Variants in CLIC5 observed in about 807,000 individuals in gnomAD.
The protein encoded by CLIC5 is chloride intracellular channel protein 5.
A neutral mutation model predicts 24.7 loss-of-function variants in CLIC5; 20 were observed. That is an observed-to-expected ratio of 0.81 (90% CI 0.57 to 1.18). The LOEUF (loss-of-function observed/expected upper bound fraction) is 1.18. Ranked by LOEUF, CLIC5 falls within the 50% of genes most tolerant of loss-of-function variation. CLIC5 has a pLI of 0.00. For missense variants in CLIC5, 341 were observed against 326.1 expected (o/e 1.05, Z -0.35); for synonymous variants, 159 against 135.6 (o/e 1.17, Z -1.20).
In CLIC5 at chr6:45,914,417, G is replaced by C. The variant is rs199626373; in HGVS notation, c.407-8C>G. 1.3e-6 allele frequency: 2 copies of C among 1,559,160 alleles called. No homozygotes were observed. The highest frequency in any genetic ancestry group is 2.4e-5 in the South Asian group (2 of 84,876). On this transcript the variant is annotated splice_region_variant and splice_polypyrimidine_tract_variant and intron_variant, in intron 4 of 5. Transcript: ENST00000339561. The stretch of plus-strand genomic sequence containing the variant: ...TTAGGCCTCTTTCAAGAGCTGGCAT[G>C]AAAGAGTAAAAGGGCCTTTATTCAA...
In CLIC5 at chr6:45,979,068, C is replaced by T. The variant is rs561608767; in HGVS notation, c.64-23824G>A. 2.2e-3 allele frequency among the ~76,000 whole-genome samples: 330 copies of T among 152,126 alleles called. 1 individual carries two copies. Among genetic ancestry groups the T allele is most frequent in the African/African-American group, 7.1e-3 (294 of 41,496 alleles). On this transcript the variant is annotated intron_variant, in intron 1 of 5. Transcript: ENST00000339561. ...GGGTGGGATACACAACAGCCACGGA[C>T]CAGGTTAGACAACACTAAGTGGAGC... is the stretch of plus-strand genomic sequence containing the variant.
intron 4 of CLIC5, chr6:45,934,329 T>C (rs1763853809): frequency 1.3e-5 from 2 of 152,044 alleles, no homozygotes; most frequent in Admixed American, 6.6e-5. Context: ...CTATAAAGCC[T>C]TTCTGGAACA....
At chr6:46,124,523 C>T in the CLIC5 span, among the ~76,000 whole-genome samples, 1 of 152,188 alleles carries the variant, frequency 6.6e-6, no homozygotes, top group African/African-American at 2.4e-5. Context: ...TGGGCAAGGA[C>T]TTCATGTCTG....
chr6:45,964,613 T>G (rs2127397368), intron 1 of CLIC5, among the ~76,000 whole-genome samples: 1 of 152,322 alleles, frequency 6.6e-6, no homozygotes, highest in Middle Eastern at 3.4e-3. Context: ...GTGTTCCAGC[T>G]AATAGTCTCA....
intron 1 of CLIC5, among the ~76,000 whole-genome samples, chr6:46,058,597 C>T (rs1444355904): frequency 1.3e-5 from 2 of 152,234 alleles, no homozygotes; most frequent in East Asian, 1.9e-4. Flanking sequence ...GTGCCATGGG[C>T]ACAATCTGGA....
chr6:46,015,325 G>C (rs1194485678), intron 1 of CLIC5, among the ~76,000 whole-genome samples, 155 bp downstream of exon 1: 2 of 152,190 alleles, frequency 1.3e-5, no homozygotes, highest in African/African-American at 4.8e-5. Context: ...CAGGAGCCTC[G>C]CAGCGGGGCG....
intron 3 of CLIC5, among the ~76,000 whole-genome samples, chr6:45,947,099 T>A (rs1171410521): frequency 2.0e-5 from 3 of 152,084 alleles, no homozygotes; most frequent in African/African-American, 7.2e-5. Context: ...TCATGGAAAC[T>A]TAGAATCTGA....
intron 1 of CLIC5, among the ~76,000 whole-genome samples, chr6:46,073,656 A>AT (rs1320807913): frequency 6.6e-6 from 1 of 152,212 alleles, no homozygotes; most frequent in Non-Finnish European, 1.5e-5. Context: ...TGCTCTCAGG[A>AT]TAAGATCCAA....
chr6:46,106,791 G>A, the CLIC5 span, among the ~76,000 whole-genome samples: 1 of 152,124 alleles, frequency 6.6e-6, no homozygotes, highest in African/African-American at 2.4e-5. Context: ...GCTTTGAGAT[G>A]TAAATTTGCT....
chr6:45,893,950 G>A (rs1245265207), downstream of CLIC5, among the ~76,000 whole-genome samples: 2 of 152,164 alleles, frequency 1.3e-5, no homozygotes, highest in African/African-American at 2.4e-5. Flanking sequence ...CCAAAAGGGA[G>A]CAACAACTGC....
chr6:45,974,514 TATATATATAGAGAGAGAG>T (rs1561976390), intron 1 of CLIC5, among the ~76,000 whole-genome samples: 3 of 92,628 alleles, frequency 3.2e-5, no homozygotes, highest in East Asian at 4.0e-4. Context: ...TATATATATA[TATATATATAGAGAGAGAG>T]AGAGAGAGAG....
intron 1 of CLIC5, among the ~76,000 whole-genome samples, chr6:45,978,404 G>A (rs540636837): frequency 1.1e-4 from 17 of 152,142 alleles, no homozygotes; most frequent in African/African-American, 4.1e-4. Context: ...ATATATGTGG[G>A]GATTCTTAAA....
intron 1 of CLIC5, among the ~76,000 whole-genome samples, chr6:45,978,423 A>G (rs975484844): frequency 6.6e-6 from 1 of 152,218 alleles, no homozygotes; most frequent in African/African-American, 2.4e-5. Flanking sequence ...AATATTTTAA[A>G]TATTTCAGTG....
intron 4 of CLIC5, among the ~76,000 whole-genome samples, chr6:45,937,085 G>T (rs1163100657): frequency 2.6e-5 from 4 of 152,114 alleles, no homozygotes; most frequent in African/African-American, 9.7e-5. Context: ...AGGCTGCTGA[G>T]GTATGAGAGT....
chr6:45,916,096 G>T (rs1763021003), intron 4 of CLIC5, among the ~76,000 whole-genome samples: 1 of 152,156 alleles, frequency 6.6e-6, no homozygotes, highest in African/African-American at 2.4e-5. Flanking sequence ...TCTTTTCATA[G>T]AAGGCCTTTT....
downstream of CLIC5, among the ~76,000 whole-genome samples, chr6:45,895,040 T>C (rs1762381806): frequency 6.6e-6 from 1 of 152,200 alleles, no homozygotes; most frequent in Non-Finnish European, 1.5e-5. Flanking sequence ...TTCATATTTA[T>C]ATTCCTATCT....
At chr6:46,017,921 C>T (rs1302550116), upstream of CLIC5, among the ~76,000 whole-genome samples, 1 of 152,198 alleles carries the variant, frequency 6.6e-6, no homozygotes, top group Non-Finnish European at 1.5e-5. Context: ...AGTCACCAAG[C>T]CCAACGTGCA....
In CLIC5 at chr6:45,902,376, T is replaced by G. The variant is rs1762532986; in HGVS notation, c.*712A>C. 1 of 152,900 alleles carries G rather than the reference T, an allele frequency of 6.5e-6. No homozygotes were observed. The highest frequency in any genetic ancestry group is 1.5e-5 in the Non-Finnish European group (1 of 68,248). 9.5% of individuals were successfully genotyped at this position (152,900 alleles called of 1,614,324 possible). On this transcript the variant is annotated 3_prime_UTR_variant, in exon 6 of 6. Transcript: ENST00000339561. The stretch of plus-strand genomic sequence containing the variant: ...CATCCCAGTCACTGCAGTTTAGAAT[T>G]GCATGCCAATTTCCTTTTCTGGCAG...
At chr6:45,887,800 A>G (rs1032993561) in intron 6 of CLIC5, among the ~76,000 whole-genome samples, 2 of 152,256 alleles carry the variant, frequency 1.3e-5, no homozygotes, top group Non-Finnish European at 1.5e-5. Context: ...CACATGTAAT[A>G]AAATCATAAC....
Sources: gnomAD v4.1 joint callset for allele counts (sites outside exome capture counted in the v4.1 genomes callset) on GRCh38, gnomAD v4.1.1 for gene constraint, MANE v1.5 for transcripts, NCBI Gene and HGNC (gene_info 2026-07-23, HGNC 2026-07-21) for gene names.